INPP5D: variants seen among roughly 807,000 people sequenced by gnomAD.
The protein encoded by INPP5D is phosphatidylinositol 3,4,5-trisphosphate 5-phosphatase 1.
Under a neutral mutation model 122.9 loss-of-function variants are expected in INPP5D, and 33 were observed. That is an observed-to-expected ratio of 0.27 (90% confidence interval 0.20 to 0.36). INPP5D has a LOEUF of 0.36. Ranked by LOEUF, INPP5D falls within the 10% of genes least tolerant of loss-of-function variation. INPP5D has a pLI of 1.00. For missense variants in INPP5D, 1,053 were observed against 1,412.7 expected, an observed-to-expected ratio of 0.75 and a Z score of 4.08; for synonymous variants, 584 against 576.2, an observed-to-expected ratio of 1.01 and a Z score of -0.19.
rs775472704 is a variant in INPP5D at position 233,060,445 on chromosome 2, C to T, written c.-34C>T. 2.6e-6 allele frequency: 4 copies of T among 1,561,886 alleles called. No individual in the cohort carries two copies. The Admixed American group carries it at 7.6e-5, about 30-fold the overall frequency. ...CGGTGGTGTGTGGGTCCTGGGGGTG[C>T]CTGCCGGCCCGGCCGAGGAGGCCCA... On this transcript the variant is annotated 5_prime_UTR_variant, in exon 1 of 27. Coordinates refer to ENST00000445964, the MANE Select transcript of INPP5D (RefSeq NM_001017915.3).
chr2:233,145,179 T>C, intron 6 of INPP5D: 1 of 455,704 alleles, frequency 2.2e-6, no homozygotes, highest in Non-Finnish European at 4.4e-6. Context: ...ATAGATGCTT[T>C]GTAAATGTTT....
chr2:233,109,556 A>G (rs546735048), intron 2 of INPP5D, among the ~76,000 whole-genome samples: 2 of 150,514 alleles, frequency 1.3e-5, no homozygotes, highest in Admixed American at 6.6e-5. Context: ...CTTTTAGGCA[A>G]GATGGTTTTT....
intron 5 of INPP5D, among the ~76,000 whole-genome samples, chr2:233,132,323 T>C (rs1057324562): frequency 6.6e-6 from 1 of 152,340 alleles, no homozygotes; most frequent in Non-Finnish European, 1.5e-5. Context: ...CTTCTGCACA[T>C]TGTTAGATTT....
At position 233,126,966 on chromosome 2, in the gene INPP5D, G is replaced by C. The variant is rs12623072; in HGVS notation, c.524+1047G>C. 1.0e-3 allele frequency among the ~76,000 whole-genome samples: 159 copies of C among 152,152 alleles called. 4 individuals carry two copies. In the East Asian group the frequency reaches 0.029, roughly 28 times the overall value. ...TCGAGCCCATTGTTTAGTTCCCCAG[G>C]GTTTCCATTTCTTCCCAGGTTTGGA... is the stretch of plus-strand genomic sequence containing the variant. On this transcript the variant is annotated intron_variant, in intron 4 of 26. Coordinates refer to ENST00000445964, the MANE Select transcript of INPP5D (RefSeq NM_001017915.3).
intron 9 of INPP5D, among the ~76,000 whole-genome samples, chr2:233,151,841 G>A (rs931093225): frequency 3.9e-5 from 6 of 152,192 alleles, no homozygotes; most frequent in African/African-American, 1.2e-4. Flanking sequence ...ATGAAGGAAC[G>A]CACACAGGAA....
intron 2 of INPP5D, among the ~76,000 whole-genome samples, chr2:233,088,690 C>T (rs568285243): frequency 4.6e-5 from 7 of 152,294 alleles, no homozygotes; most frequent in South Asian, 2.1e-4. Context: ...ATGGCGAGGA[C>T]GCACAGAGGC....
intron 1 of INPP5D, among the ~76,000 whole-genome samples, 171 bp downstream of exon 1, chr2:233,060,783 G>A (rs1156519169): frequency 6.6e-6 from 1 of 152,212 alleles, no homozygotes; most frequent in Non-Finnish European, 1.5e-5. Context: ...CTGGTCTCAT[G>A]GCAGGTTTTG....
At chr2:233,121,975 T>C (rs1251691085) in intron 2 of INPP5D, 132 bp from the exon 3 acceptor site, 3 of 999,196 alleles carry the variant, frequency 3.0e-6, no homozygotes, top group Non-Finnish European at 4.5e-6. Context: ...ACACCCTGCG[T>C]AGGAGCCCAA....
chr2:233,169,405 A>G lies in INPP5D; in HGVS notation c.1652+4A>G. The G allele has an allele frequency of 2.6e-6, 4 of 1,566,642 alleles. No homozygotes were observed. Among genetic ancestry groups the G allele is most frequent in the Non-Finnish European group, 3.5e-6 (4 of 1,152,430 alleles). On this transcript the variant is annotated splice_donor_region_variant and intron_variant, in intron 14 of 26. Transcript: ENST00000445964. Reference sequence around the variant, plus strand: ...CAGGAAGTGAAAAGAAACTCAGGTAATGGAACTCCTTCCCCCCAAGAGTGT... The same window carrying G: ...CAGGAAGTGAAAAGAAACTCAGGTAGTGGAACTCCTTCCCCCCAAGAGTGT...
rs189606622 is a variant in INPP5D at position 233,180,173 on chromosome 2, T to A, written c.2072-2237T>A. ...GGCCTCATGTTTACTAAGGTCCCAT[T>A]GGCCAAAGAAAGTCACATGACCAAG... On this transcript the variant is annotated intron_variant, in intron 18 of 26. Transcript: ENST00000445964. Among the ~76,000 whole-genome samples, 320 of 152,188 alleles carry A rather than the reference T, an allele frequency of 2.1e-3. 1 individual carries two copies. The highest frequency in any genetic ancestry group is 7.5e-3 in the African/African-American group (310 of 41,516).
intron 13 of INPP5D, among the ~76,000 whole-genome samples, chr2:233,167,015 G>A (rs1458490914): frequency 6.6e-6 from 1 of 151,104 alleles, no homozygotes; most frequent in Non-Finnish European, 1.5e-5. Context: ...GAACAACCAA[G>A]GCCTTTCTAA....
At chr2:233,123,576 C>T (rs1410681327) in intron 3 of INPP5D, among the ~76,000 whole-genome samples, 3 of 152,168 alleles carry the variant, frequency 2.0e-5, no homozygotes, top group Non-Finnish European at 4.4e-5. Flanking sequence ...AGAGAAGGAG[C>T]TTACCTGGGG....
chr2:233,147,394 C>A, intron 8 of INPP5D, 77 bp from the exon 9 acceptor site: 1 of 689,154 alleles, frequency 1.5e-6, no homozygotes, highest in Non-Finnish European at 2.7e-6. Context: ...GCCATGTAGA[C>A]AAGGGGTTCG....
At chr2:233,095,042 A>C (rs1055089528) in intron 2 of INPP5D, among the ~76,000 whole-genome samples, 2 of 152,210 alleles carry the variant, frequency 1.3e-5, no homozygotes, top group Non-Finnish European at 2.9e-5. Context: ...CTAGGTTAGC[A>C]TTCAACCTAA....
intron 1 of INPP5D, among the ~76,000 whole-genome samples, chr2:233,066,427 G>A (rs1691228745): frequency 6.6e-6 from 1 of 152,236 alleles, no homozygotes; most frequent in South Asian, 2.1e-4. Flanking sequence ...TGAGGAGCAA[G>A]GCTCTGTGGT....
At chr2:233,130,758 A>G (rs1693300881) in intron 5 of INPP5D, 110 bp downstream of exon 5, 1 of 1,131,728 alleles carries the variant, frequency 8.8e-7, no homozygotes, top group African/African-American at 1.5e-5. Flanking sequence ...CCTCTGCCGC[A>G]CTCACAATAA....
intron 2 of INPP5D, among the ~76,000 whole-genome samples, chr2:233,093,016 CAG>C (rs966547566): frequency 6.6e-6 from 1 of 152,146 alleles, no homozygotes. Flanking sequence ...CAGGAAGAAA[CAG>C]AAAGAGAAAT....
chr2:233,162,902 G>T (rs916815274), intron 11 of INPP5D, among the ~76,000 whole-genome samples: 1 of 152,204 alleles, frequency 6.6e-6, no homozygotes, highest in Admixed American at 6.5e-5. Context: ...TCTGGACATG[G>T]TCAGGGATGT....
chr2:233,204,561 G>T lies in INPP5D; in HGVS notation c.3411G>T (p.Pro1137=), dbSNP rs1232190611. Residue 1137 remains proline (P), a synonymous_variant, in exon 26 of 27, where the codon CCG becomes CCT. Transcript: ENST00000445964. ...TCAACCAGCAGACCCCGCCCACCCC[G>T]ACGCCGCGGCCGCCGCTGCCAGTCA... The part of the protein sequence containing the change: ...SEINQQTPPT[P]TPRPPLPVKS... 1 of 1,570,122 alleles carries T rather than the reference G, an allele frequency of 6.4e-7. No individual in the cohort carries two copies. The highest frequency in any genetic ancestry group is 1.2e-5 in the South Asian group (1 of 85,680).
Sources: allele counts gnomAD v4.1 joint callset (sites outside exome capture counted in the v4.1 genomes callset), GRCh38; gene constraint gnomAD v4.1.1; transcripts MANE v1.5; gene names NCBI Gene and HGNC (gene_info 2026-07-23, HGNC 2026-07-21).